FYB1: variants seen among roughly 807,000 people sequenced by gnomAD.
FYB1 encodes the protein FYN binding protein 1, also known as FYN-binding protein 1.
In FYB1, 41 loss-of-function variants were observed where a neutral mutation model predicts 94.1. That is an observed-to-expected ratio of 0.44 (90% CI 0.34 to 0.57). The LOEUF (loss-of-function observed/expected upper bound fraction) is 0.57, where lower values mean the gene tolerates loss of function less well. Among genes scored for constraint, FYB1 ranks in the 20% least tolerant of loss-of-function variants. The pLI is 0.02. For missense variants in FYB1, 1,050 were observed against 976.8 expected, an observed-to-expected ratio of 1.07 and a Z score of -1.00; for synonymous variants, 367 against 353.2, an observed-to-expected ratio of 1.04 and a Z score of -0.44.
At chr5:39,206,148 G>A (rs1748839481) in intron 1 of FYB1, among the ~76,000 whole-genome samples, 1 of 152,312 alleles carries the variant, frequency 6.6e-6, no homozygotes, top group East Asian at 1.9e-4. Flanking sequence ...CCTACACTGT[G>A]AGACTTTTCA....
intron 1 of FYB1, among the ~76,000 whole-genome samples, chr5:39,234,072 A>T (rs1367227045): frequency 6.6e-6 from 1 of 152,084 alleles, no homozygotes; most frequent in African/African-American, 2.4e-5. Context: ...TGTGAACGCC[A>T]CATGCATGAT....
intron 12 of FYB1, 127 bp downstream of exon 12, chr5:39,125,871 G>A (rs1016877656): frequency 3.6e-5 from 34 of 943,884 alleles, no homozygotes; most frequent in African/African-American, 5.0e-5. Context: ...GATGATTAAC[G>A]GAAAATTGCA....
At chr5:39,231,985 C>A (rs548845772) in intron 1 of FYB1, among the ~76,000 whole-genome samples, 1 of 152,216 alleles carries the variant, frequency 6.6e-6, no homozygotes, top group Admixed American at 6.5e-5. Context: ...ATGTTTAAGA[C>A]AGAAGAGAAG....
chr5:39,272,670 CAA>C (rs1195291951), intron 1 of FYB1, among the ~76,000 whole-genome samples: 1,439 of 70,896 alleles, frequency 0.02, 6 homozygotes, highest in Admixed American at 0.03. Context: ...AGACTCATCT[CAA>C]AAAAAAAAAA....
chr5:39,129,202 C>T (rs1055125040), intron 10 of FYB1, among the ~76,000 whole-genome samples: 2 of 151,892 alleles, frequency 1.3e-5, no homozygotes, highest in African/African-American at 4.8e-5. Context: ...AGAACATACA[C>T]TGGGGAAAAA....
chr5:39,141,287 C>A (rs1580368867), intron 3 of FYB1, 146 bp from the exon 4 acceptor site: 2 of 645,276 alleles, frequency 3.1e-6, no homozygotes, highest in East Asian at 2.8e-5. Flanking sequence ...CTAGCATAGG[C>A]TTTAGCCTTA....
chr5:39,195,513 T>C (rs1579635490), intron 2 of FYB1, among the ~76,000 whole-genome samples: 2 of 152,308 alleles, frequency 1.3e-5, no homozygotes, highest in Admixed American at 1.3e-4. Flanking sequence ...CAAGTTGTTG[T>C]AGGCTGGATT....
At chr5:39,257,238 T>C (rs1751977044) in intron 1 of FYB1, among the ~76,000 whole-genome samples, 1 of 152,218 alleles carries the variant, frequency 6.6e-6, no homozygotes, top group African/African-American at 2.4e-5. Context: ...TCTAAAATTT[T>C]TTATGAGAAA....
intron 2 of FYB1, among the ~76,000 whole-genome samples, chr5:39,160,276 ATTC>A (rs1360118234): frequency 6.6e-6 from 1 of 152,188 alleles, no homozygotes; most frequent in African/African-American, 2.4e-5. Context: ...AAATGGTCCT[ATTC>A]TTCTTAGCTA....
chr5:39,134,128 T>G, intron 9 of FYB1, 80 bp downstream of exon 9: 1 of 1,116,522 alleles, frequency 9.0e-7, no homozygotes, highest in Non-Finnish European at 1.3e-6. Context: ...TTATGGAGGG[T>G]AAAATTCTAG....
chr5:39,268,497 A>T (rs1434057696), intron 1 of FYB1, among the ~76,000 whole-genome samples: 3 of 152,058 alleles, frequency 2.0e-5, no homozygotes, highest in Admixed American at 6.6e-5. Flanking sequence ...CTCCCAAAAA[A>T]TTGGGATTAC....
intron 2 of FYB1, among the ~76,000 whole-genome samples, chr5:39,188,724 G>T (rs1379430744): frequency 2.0e-5 from 3 of 151,904 alleles, no homozygotes; most frequent in East Asian, 3.9e-4. Context: ...GTATAGATGG[G>T]GTTTCACCAT....
chr5:39,144,794 T>C (rs1265876147), intron 3 of FYB1, among the ~76,000 whole-genome samples: 1 of 152,012 alleles, frequency 6.6e-6, no homozygotes, highest in Non-Finnish European at 1.5e-5. Flanking sequence ...AGAGCGAAAC[T>C]GTGTCTCAAA....
At chr5:39,183,846 A>G (rs1746490781) in intron 2 of FYB1, among the ~76,000 whole-genome samples, 1 of 152,184 alleles carries the variant, frequency 6.6e-6, no homozygotes, top group Non-Finnish European at 1.5e-5. Flanking sequence ...TGATTCAGGA[A>G]GGGGGCTATG....
Position 39,202,014 on chromosome 5 carries a change from G to T in FYB1, c.947C>A (p.Ala316Asp), listed in dbSNP as rs1748368898. 6 of 1,613,916 alleles carry T rather than the reference G, an allele frequency of 3.7e-6. No individual in the cohort carries two copies. Among genetic ancestry groups the T allele is most frequent in the South Asian group, 1.1e-5 (1 of 91,092 alleles). ...SGTPPARFPK[A>D]PSKLTVGGPW... ...CCCCCCCACTGTCAGCTTAGAAGGG[G>T]CCTTAGGGAACCTGGCAGGAGGAGT... The change falls in exon 2 of 19, where the codon GCC (alanine) becomes GAC (aspartate). Residue 316 changes from alanine to aspartate, a missense_variant. By Grantham distance (126) the Ala-to-Asp change is moderately radical. Coordinates refer to ENST00000512982, the MANE Select transcript of FYB1 (RefSeq NM_001465.6).
Position 39,126,059 on chromosome 5 carries a change from T to C in FYB1, c.1984A>G (p.Arg662Gly). 6.2e-7 allele frequency: 1 copy of C among 1,613,588 alleles called. No individual in the cohort carries two copies. The highest frequency in any genetic ancestry group is 8.5e-7 in the Non-Finnish European group (1 of 1,179,654). The change falls in exon 12 of 19, where the codon AGA (arginine) becomes GGA (glycine). Residue 662 changes from arginine to glycine, a missense_variant. Coordinates refer to ENST00000512982, the MANE Select transcript of FYB1 (RefSeq NM_001465.6). The stretch of plus-strand genomic sequence containing the variant: ...GGTTTCTCTCGTATACTTTTCTTTC[T>C]GTCATCTTTTCCCTTTAACATCTTC... Reference protein sequence around the residue: ...ILKMLKGKDDRKKSIREKPKV... With the variant: ...ILKMLKGKDDGKKSIREKPKV...
At chr5:39,195,455 G>A (rs1366053364) in intron 2 of FYB1, among the ~76,000 whole-genome samples, 1 of 152,146 alleles carries the variant, frequency 6.6e-6, no homozygotes, top group East Asian at 1.9e-4. Context: ...ACCCACTCCT[G>A]GAAACAAGTT....
chr5:39,229,314 C>T lies in FYB1; in HGVS notation c.-27-26327G>A, dbSNP rs983421127. 2.6e-4 allele frequency among the ~76,000 whole-genome samples: 40 copies of T among 152,216 alleles called. 1 individual carries two copies. Among genetic ancestry groups the T allele is most frequent in the African/African-American group, 9.1e-4 (38 of 41,540 alleles). On this transcript the variant is annotated intron_variant, in intron 1 of 1. Coordinates refer to the FYB1 transcript ENST00000510188. The stretch of plus-strand genomic sequence containing the variant: ...GACAACAAGCTGCTTGCACGAAATA[C>T]GAAGCTAATTTGTTCTATAGAGTCA...
intron 3 of FYB1, among the ~76,000 whole-genome samples, chr5:39,147,426 G>A (rs1742758313): frequency 6.7e-6 from 1 of 149,434 alleles, no homozygotes; most frequent in Admixed American, 6.7e-5. Flanking sequence ...GTGTTACCAT[G>A]CCCAGCTAAA....
Sources: allele counts gnomAD v4.1 joint callset (sites outside exome capture counted in the v4.1 genomes callset), GRCh38; gene constraint gnomAD v4.1.1; transcripts MANE v1.5; gene names NCBI Gene and HGNC (gene_info 2026-07-23, HGNC 2026-07-21).